The following TMEM163 variants were observed in gnomAD, a reference collection of about 807,000 sequenced individuals.
The protein encoded by TMEM163 is transmembrane protein 163.
In TMEM163, 17 loss-of-function variants were observed where a neutral mutation model predicts 29.3. The ratio of observed to expected loss-of-function variants is 0.58; its 90% CI spans 0.40 to 0.87. TMEM163 has a LOEUF of 0.87. Among genes scored for constraint, TMEM163 ranks in the 40% least tolerant of loss-of-function variants. The pLI is 0.00. For synonymous variants in TMEM163, 157 were observed against 160.6 expected, an observed-to-expected ratio of 0.98 and a Z score of 0.17; for missense variants, 303 against 381.5, an observed-to-expected ratio of 0.79 and a Z score of 1.71.
At chr2:134,498,125 GA>G (rs1473237010) in intron 5 of TMEM163, among the ~76,000 whole-genome samples, 2 of 152,142 alleles carry the variant, frequency 1.3e-5, no homozygotes, top group Non-Finnish European at 2.9e-5. Context: ...TTTTACCTAA[GA>G]GGGGCCCCAG....
chr2:134,615,651 C>CTTTTTTT (rs35159964), intron 2 of TMEM163, among the ~76,000 whole-genome samples: 3 of 79,160 alleles, frequency 3.8e-5, no homozygotes, highest in African/African-American at 1.1e-4. Context: ...AAGAGCAGAG[C>CTTTTTTT]TTTTTTTTTT....
Position 134,550,616 on chromosome 2 carries a change from G to A in TMEM163, c.412C>T (p.Arg138Cys). ...TGCACAGCGGCCGCGTTGCTGTAAC[G>A]CCACAGGACAATCGCCGATGACAGG... ...DVLSSAIVLW[R>C]YSNAAAVHSA... is the part of the protein sequence containing the mutation. The change falls in exon 4 of 8, where the codon CGT becomes TGT. Residue 138 changes from arginine to cysteine, a missense_variant. Physicochemically the swap from Arg to Cys is radical, Grantham distance 180. Around this residue, in one of 2 missense-constraint regions of TMEM163, gnomAD observed 203 missense variants for 294.3 expected, o/e 0.69. Coordinates refer to ENST00000281924, the MANE Select transcript of TMEM163 (RefSeq NM_030923.5). 6.2e-7 allele frequency: 1 copy of A among 1,614,158 alleles called. No individual in the cohort carries two copies. Among genetic ancestry groups the A allele is most frequent in the Admixed American group, 1.7e-5 (1 of 60,028 alleles).
chr2:134,523,713 A>G lies in TMEM163; in HGVS notation c.459-20716T>C, dbSNP rs887727271. Among the ~76,000 whole-genome samples the G allele has an allele frequency of 2.0e-5, 3 of 152,306 alleles. No individual in the cohort carries two copies. The East Asian group carries it at 5.8e-4, about 29-fold the overall frequency. On this transcript the variant is annotated intron_variant, in intron 4 of 7. Coordinates refer to ENST00000281924, the MANE Select transcript of TMEM163 (RefSeq NM_030923.5). ...CAAGTGGTTTTTCTCCTAGTCAAAG[A>G]AATAAAGTTTCCATTAAACAGAGAA...
chr2:134,610,274 T>C (rs1160128798), intron 2 of TMEM163, among the ~76,000 whole-genome samples: 1 of 152,228 alleles, frequency 6.6e-6, no homozygotes, highest in Non-Finnish European at 1.5e-5. Flanking sequence ...TCAGAGCCAC[T>C]GTGGCCGCCA....
chr2:134,556,049 AT>A (rs1369384214), intron 2 of TMEM163, among the ~76,000 whole-genome samples: 1 of 152,174 alleles, frequency 6.6e-6, no homozygotes, highest in Non-Finnish European at 1.5e-5. Flanking sequence ...CTTAGAGGGG[AT>A]TTTAGAGATA....
chr2:134,473,447 A>C (rs914762742), intron 5 of TMEM163, among the ~76,000 whole-genome samples: 2 of 151,970 alleles, frequency 1.3e-5, no homozygotes, highest in Non-Finnish European at 2.9e-5. Flanking sequence ...AGGCAGGAGA[A>C]TCACTTGAAC....
chr2:134,516,519 C>T (rs1372494778), intron 4 of TMEM163, among the ~76,000 whole-genome samples: 1 of 151,226 alleles, frequency 6.6e-6, no homozygotes, highest in South Asian at 2.1e-4. Flanking sequence ...TGAGATTGCG[C>T]CACTGCACTC....
intron 3 of TMEM163, among the ~76,000 whole-genome samples, chr2:134,551,463 A>G (rs1680921134): frequency 6.6e-6 from 1 of 152,162 alleles, no homozygotes; most frequent in South Asian, 2.1e-4. Flanking sequence ...GGGGGTTGAG[A>G]AGAGCTCTCT....
chr2:134,463,756 G>C (rs1574150385), intron 6 of TMEM163, among the ~76,000 whole-genome samples: 1 of 152,216 alleles, frequency 6.6e-6, no homozygotes, highest in East Asian at 1.9e-4. Context: ...ACTGGAAAGG[G>C]AGGCTCAGCT....
At chr2:134,708,844 T>C (rs1186536736) in intron 2 of TMEM163, among the ~76,000 whole-genome samples, 2 of 151,982 alleles carry the variant, frequency 1.3e-5, no homozygotes, top group Non-Finnish European at 2.9e-5. Flanking sequence ...CACCCCAGCC[T>C]CCAAAGTGCT....
chr2:134,674,486 G>GGT (rs1684063366), intron 2 of TMEM163, among the ~76,000 whole-genome samples: 1 of 91,596 alleles, frequency 1.1e-5, no homozygotes, highest in East Asian at 2.2e-4. Context: ...TGGGACTACA[G>GGT]GCGCGCGCGC....
At chr2:134,641,015 T>C (rs903354111) in intron 2 of TMEM163, among the ~76,000 whole-genome samples, 1 of 152,090 alleles carries the variant, frequency 6.6e-6, no homozygotes. Flanking sequence ...AAAAAGAAAG[T>C]TTCAAAGCAT....
chr2:134,532,596 C>T (rs1283031638), intron 4 of TMEM163, among the ~76,000 whole-genome samples: 2 of 152,186 alleles, frequency 1.3e-5, no homozygotes, highest in East Asian at 1.9e-4. Flanking sequence ...TCTTGAAATG[C>T]AGAATTGCAG....
chr2:134,561,342 T>C (rs1455373096), intron 2 of TMEM163, among the ~76,000 whole-genome samples: 1 of 152,152 alleles, frequency 6.6e-6, no homozygotes, highest in Non-Finnish European at 1.5e-5. Flanking sequence ...TAGCTGGGAC[T>C]ACAGGCACCC....
At chr2:134,533,625 G>A (rs1680463795) in intron 4 of TMEM163, among the ~76,000 whole-genome samples, 1 of 152,146 alleles carries the variant, frequency 6.6e-6, no homozygotes, top group South Asian at 2.1e-4. Context: ...AAGAATGTCA[G>A]GGTTCTCTTG....
intron 2 of TMEM163, among the ~76,000 whole-genome samples, chr2:134,668,025 AC>A (rs1553491417): frequency 6.6e-6 from 1 of 152,150 alleles, no homozygotes; most frequent in Non-Finnish European, 1.5e-5. Flanking sequence ...GGGCAGCAAG[AC>A]CTGCTGGGCC....
intron 1 of TMEM163, among the ~76,000 whole-genome samples, chr2:134,713,918 C>T (rs896061888): frequency 6.6e-6 from 1 of 152,216 alleles, no homozygotes; most frequent in Non-Finnish European, 1.5e-5. Flanking sequence ...TTCCTTCCCT[C>T]CTTTTTCTGC....
At chr2:134,513,845 A>G (rs1679999439) in intron 4 of TMEM163, among the ~76,000 whole-genome samples, 1 of 152,236 alleles carries the variant, frequency 6.6e-6, no homozygotes, top group African/African-American at 2.4e-5. Context: ...GAATGATAAC[A>G]AGGACTGAAA....
intron 4 of TMEM163, among the ~76,000 whole-genome samples, chr2:134,514,383 CTTTTTTT>C (rs150211429): frequency 1.2e-4 from 15 of 125,588 alleles, no homozygotes; most frequent in African/African-American, 1.2e-4. Flanking sequence ...TACTGATGAT[CTTTTTTT>C]TTTTTTTTTT....
Sources: gnomAD v4.1 joint callset for allele counts (sites outside exome capture counted in the v4.1 genomes callset) on GRCh38, gnomAD v4.1.1 for gene constraint, gnomAD v4.1.1 regional missense constraint, MANE v1.5 for transcripts, NCBI Gene and HGNC (gene_info 2026-07-23, HGNC 2026-07-21) for gene names.